KCTD8: variants seen among roughly 807,000 people sequenced by gnomAD.
The protein encoded by KCTD8 is BTB/POZ domain-containing protein KCTD8.
Under a neutral mutation model 31.5 loss-of-function variants are expected in KCTD8, and 27 were observed. The ratio of observed to expected loss-of-function variants is 0.86; its 90% CI spans 0.63 to 1.18. KCTD8 has a LOEUF of 1.18. KCTD8 is among the 50% of genes most tolerant of loss of function. The pLI, the probability that KCTD8 is intolerant of heterozygous loss-of-function variation, is 0.00. For synonymous variants in KCTD8, 290 were observed against 280.0 expected, an observed-to-expected ratio of 1.04 and a Z score of -0.36; for missense variants, 658 against 647.7, an observed-to-expected ratio of 1.02 and a Z score of -0.17.
At chr4:44,409,490 C>G (rs1720900267) in intron 1 of KCTD8, among the ~76,000 whole-genome samples, 1 of 151,966 alleles carries the variant, frequency 6.6e-6, no homozygotes, top group South Asian at 2.1e-4. Context: ...CAGGTTGGCC[C>G]TTATTTGGAG....
At chr4:44,217,110 T>C (rs1714672107) in intron 1 of KCTD8, among the ~76,000 whole-genome samples, 1 of 152,190 alleles carries the variant, frequency 6.6e-6, no homozygotes, top group Non-Finnish European at 1.5e-5. Context: ...GTCATCCTAC[T>C]ATGCAGAGTA....
At chr4:44,381,091 T>A (rs1720051729) in intron 1 of KCTD8, among the ~76,000 whole-genome samples, 1 of 152,048 alleles carries the variant, frequency 6.6e-6, no homozygotes, top group South Asian at 2.1e-4. Context: ...TCAAATTTAT[T>A]TATATGGAAA....
At position 44,174,570 on chromosome 4, in the gene KCTD8, T is replaced by A; in HGVS notation, c.*220A>T. The A allele has an allele frequency of 2.3e-6, 1 of 431,438 alleles. No homozygotes were observed. Among genetic ancestry groups the A allele is most frequent in the Non-Finnish European group, 4.1e-6 (1 of 246,164 alleles). 26.7% of individuals were successfully genotyped at this position (431,438 alleles called of 1,614,324 possible). On this transcript the variant is annotated 3_prime_UTR_variant, in exon 2 of 2. Coordinates refer to ENST00000360029, the MANE Select transcript of KCTD8 (RefSeq NM_198353.3). ...AAAATGGTTTGAATCAGATATTCCA[T>A]TTTGATTTAACACTTATTGATTTAA... is the stretch of plus-strand genomic sequence containing the variant.
intron 1 of KCTD8, among the ~76,000 whole-genome samples, chr4:44,200,652 T>C (rs538255611): frequency 2.0e-5 from 3 of 152,126 alleles, no homozygotes; most frequent in Admixed American, 6.5e-5. Flanking sequence ...TGAAGAAACA[T>C]ACCTCAAAAT....
chr4:44,310,860 AATT>A (rs1362444354), intron 1 of KCTD8, among the ~76,000 whole-genome samples: 6 of 152,098 alleles, frequency 3.9e-5, no homozygotes, highest in Non-Finnish European at 7.4e-5. Context: ...CATATAAATT[AATT>A]ATTTTCTGGA....
chr4:44,354,974 C>T (rs2109426765), intron 1 of KCTD8, among the ~76,000 whole-genome samples: 1 of 152,126 alleles, frequency 6.6e-6, no homozygotes, highest in East Asian at 1.9e-4. Context: ...TGAATAAATG[C>T]ACAATAATTG....
rs549375876 is a variant in KCTD8 at position 44,247,909 on chromosome 4, G to A, written c.962-72659C>T. Among the ~76,000 whole-genome samples, 5 of 151,922 alleles carry A rather than the reference G, an allele frequency of 3.3e-5. No individual in the cohort carries two copies. The East Asian group carries it at 9.7e-4, about 29-fold the overall frequency. ...TTGGCTTTGTGAATAATGCTGCAAT[G>A]AATATGACAGTTCCTCAAAAAATTA... On this transcript the variant is annotated intron_variant, in intron 1 of 1. Coordinates refer to ENST00000360029, the MANE Select transcript of KCTD8 (RefSeq NM_198353.3).
intron 1 of KCTD8, among the ~76,000 whole-genome samples, chr4:44,208,982 T>C (rs1347607204): frequency 6.6e-6 from 1 of 152,202 alleles, no homozygotes; most frequent in Non-Finnish European, 1.5e-5. Flanking sequence ...AAGGGTCATT[T>C]GATTTCCTTG....
At chr4:44,265,891 T>C (rs1408933649) in intron 1 of KCTD8, among the ~76,000 whole-genome samples, 3 of 152,046 alleles carry the variant, frequency 2.0e-5, no homozygotes, top group Non-Finnish European at 4.4e-5. Flanking sequence ...TATGGGACTA[T>C]GTGAAAAGAC....
chr4:44,416,002 C>T lies in KCTD8; in HGVS notation c.961+31561G>A, dbSNP rs115231648. Among the ~76,000 whole-genome samples the T allele has an allele frequency of 3.2e-3, 481 of 152,314 alleles. 2 individuals carry two copies. The highest frequency in any genetic ancestry group is 0.011 in the African/African-American group (465 of 41,576). ...GAGCCTGCCAGCACTCAACTCCAAC[C>T]CATGAGAGCAGCCACATGGGCTGTA... On this transcript the variant is annotated intron_variant, in intron 1 of 1. Transcript: ENST00000360029.
rs16856786 is a variant in KCTD8, at chr4:44,174,784, C to T, written c.*6G>A. 0.053 allele frequency: 83,545 copies of T among 1,577,848 alleles called. 3,442 individuals are homozygous for T. Among genetic ancestry groups the T allele is most frequent in the African/African-American group, 0.22 (15,934 of 73,782 alleles). On this transcript the variant is annotated 3_prime_UTR_variant, in exon 2 of 2. Transcript: ENST00000360029. ...TCATCAAAATACTGCAGGAATGTGACAATTACTATAACCCATACTTCTGCA... is the reference window on the plus strand; with the variant it reads ...TCATCAAAATACTGCAGGAATGTGATAATTACTATAACCCATACTTCTGCA...
At chr4:44,408,372 A>G (rs906926947) in intron 1 of KCTD8, among the ~76,000 whole-genome samples, 3 of 152,220 alleles carry the variant, frequency 2.0e-5, no homozygotes, top group African/African-American at 7.2e-5. Flanking sequence ...TATGTAGCAT[A>G]CTTTTATAGC....
At chr4:44,217,311 A>G (rs868081733) in intron 1 of KCTD8, among the ~76,000 whole-genome samples, 31 of 152,216 alleles carry the variant, frequency 2.0e-4, no homozygotes, top group African/African-American at 6.5e-4. Context: ...GGCCATAGAA[A>G]TAAGTTTTCT....
chr4:44,354,978 A>G (rs935707668), intron 1 of KCTD8, among the ~76,000 whole-genome samples: 2 of 152,192 alleles, frequency 1.3e-5, no homozygotes, highest in African/African-American at 2.4e-5. Context: ...TAAATGCACA[A>G]TAATTGGGAA....
At chr4:44,318,552 G>C (rs1718205357) in intron 1 of KCTD8, among the ~76,000 whole-genome samples, 1 of 152,198 alleles carries the variant, frequency 6.6e-6, no homozygotes, top group Admixed American at 6.5e-5. Context: ...CTTCAAGTCA[G>C]ATGTGGGTAG....
intron 1 of KCTD8, among the ~76,000 whole-genome samples, chr4:44,222,613 G>A (rs1349408431): frequency 6.6e-6 from 1 of 152,172 alleles, no homozygotes; most frequent in African/African-American, 2.4e-5. Context: ...CTTTCAGAGA[G>A]TAAAAACAAT....
chr4:44,329,724 C>G (rs540958224), intron 1 of KCTD8, among the ~76,000 whole-genome samples: 27 of 151,858 alleles, frequency 1.8e-4, no homozygotes, highest in African/African-American at 6.3e-4. Flanking sequence ...AATGATAAAA[C>G]AAAGGTGAGT....
At chr4:44,447,154 C>T (rs903698649) in intron 1 of KCTD8, among the ~76,000 whole-genome samples, 59 of 152,244 alleles carry the variant, frequency 3.9e-4, no homozygotes, top group African/African-American at 1.4e-3. Flanking sequence ...CTGAGGGCCA[C>T]ATGAAATGAC....
chr4:44,345,561 G>A (rs532727187), intron 1 of KCTD8, among the ~76,000 whole-genome samples: 22 of 152,194 alleles, frequency 1.4e-4, no homozygotes, highest in East Asian at 7.7e-4. Flanking sequence ...TAGCATTCAC[G>A]AAACATTAAG....
Sources: allele counts gnomAD v4.1 joint callset (sites outside exome capture counted in the v4.1 genomes callset), GRCh38; gene constraint gnomAD v4.1.1; transcripts MANE v1.5; gene names NCBI Gene and HGNC (gene_info 2026-07-23, HGNC 2026-07-21).